The following CRELD1 variants were observed in gnomAD, a reference collection of about 807,000 sequenced individuals.
CRELD1 encodes protein disulfide isomerase CRELD1.
A neutral mutation model predicts 58.2 loss-of-function variants in CRELD1; 42 were observed. The ratio of observed to expected loss-of-function variants is 0.72; its 90% CI spans 0.56 to 0.93. The LOEUF (loss-of-function observed/expected upper bound fraction) is 0.93, where lower values mean the gene tolerates loss of function less well. Ranked by LOEUF, CRELD1 falls within the 40% of genes least tolerant of loss-of-function variation. CRELD1 has a pLI of 0.00. For synonymous variants in CRELD1, 222 were observed against 202.0 expected (o/e 1.10, Z -0.84); for missense variants, 500 against 540.6 (o/e 0.92, Z 0.74).
At chr3:9,939,531 A>G (rs935554145) in intron 5 of CRELD1, among the ~76,000 whole-genome samples, 10 of 151,944 alleles carry the variant, frequency 6.6e-5, no homozygotes, top group Non-Finnish European at 1.2e-4. Context: ...AGTGGTGATG[A>G]CTCTCAACCA....
chr3:9,941,177 G>T lies in CRELD1; in HGVS notation c.704G>T (p.Gly235Val). 2.5e-6 allele frequency: 4 copies of T among 1,614,138 alleles called. No homozygotes were observed. The highest frequency in any genetic ancestry group is 3.4e-6 in the Non-Finnish European group (4 of 1,180,012). ...EESNCLQCKK[G>V]WALHHLKCVD... is the part of the protein sequence containing the mutation. Reference sequence around the variant, plus strand: ...TCAAACTGTTTGCAATGCAAGAAGGGCTGGGCCCTGCATCACCTCAAGTGT... The same window carrying T: ...TCAAACTGTTTGCAATGCAAGAAGGTCTGGGCCCTGCATCACCTCAAGTGT... Residue 235 changes from glycine (G) to valine (V), a missense_variant, in exon 7 of 11, where the codon GGC (glycine) becomes GTC (valine). Transcript: ENST00000452070.
chr3:9,935,119 A>T (rs1391911106), intron 3 of CRELD1: 3 of 569,766 alleles, frequency 5.3e-6, no homozygotes, highest in African/African-American at 1.9e-5. Flanking sequence ...GCAGTGAATG[A>T]GTAAGTGAAT....
In CRELD1 at chr3:9,943,121, C is replaced by A; in HGVS notation, c.862C>A (p.Arg288Ser). 1 of 1,613,728 alleles carries A rather than the reference C, an allele frequency of 6.2e-7. No individual in the cohort carries two copies. Among genetic ancestry groups the A allele is most frequent in the South Asian group, 1.1e-5 (1 of 91,042 alleles). The change falls in exon 9 of 11, where the codon CGC (arginine) becomes AGC (serine). Residue 288 changes from arginine to serine, a missense_variant. Physicochemically the swap from Arg to Ser is moderately radical, Grantham distance 110. Coordinates refer to ENST00000452070, the MANE Select transcript of CRELD1 (RefSeq NM_001077415.3). ...CLGCMGAGPG[R>S]CKKCSPGYQQ... The stretch of plus-strand genomic sequence containing the variant: ...AGGCTGCATGGGGGCAGGGCCAGGT[C>A]GCTGTAAGAAGTGTAGCCCTGGCTA...
In CRELD1 at chr3:9,943,399, C is replaced by T. The variant is rs28942092; in HGVS notation, c.932C>T (p.Thr311Ile). The change falls in exon 10 of 11, where the codon ACA (threonine) becomes ATA (isoleucine). Residue 311 changes from threonine to isoleucine, a missense_variant. Coordinates refer to ENST00000452070, the MANE Select transcript of CRELD1 (RefSeq NM_001077415.3). ...CCTCAAGATGTGGATGAGTGTGAGACAGAGGTGTGTCCGGGAGAGAACAAG... is the reference window on the plus strand; with the variant it reads ...CCTCAAGATGTGGATGAGTGTGAGATAGAGGTGTGTCCGGGAGAGAACAAG... Reference protein sequence around the residue: ...SKCLDVDECETEVCPGENKQC... With the variant: ...SKCLDVDECEIEVCPGENKQC... 7.7e-4 allele frequency: 1,245 copies of T among 1,613,940 alleles called. No homozygotes were observed. Among genetic ancestry groups the T allele is most frequent in the Non-Finnish European group, 9.4e-4 (1,108 of 1,179,992 alleles).
chr3:9,943,443 G>GGCGGTTAT lies in CRELD1; in HGVS notation c.977_984dup (p.Arg329AlafsTer19), dbSNP rs752297888. 3.4e-5 allele frequency: 55 copies of GGCGGTTAT among 1,613,950 alleles called. No homozygotes were observed. Among genetic ancestry groups the GGCGGTTAT allele is most frequent in the Non-Finnish European group, 4.3e-5 (51 of 1,180,014 alleles). ...GAACAAGCAGTGTGAAAACACCGAG[G>GGCGGTTAT]GCGGTTATCGCTGCATCTGTGCCGA... On this transcript the variant is annotated frameshift_variant, in exon 10 of 11. Coordinates refer to ENST00000452070, the MANE Select transcript of CRELD1 (RefSeq NM_001077415.3). LOFTEE classifies it high-confidence loss of function.
In CRELD1 at chr3:9,937,549, C is replaced by A. The variant is rs117956843; in HGVS notation, c.258-13C>A. 2.2e-3 allele frequency: 3,474 copies of A among 1,593,490 alleles called. 66 individuals carry two copies. The East Asian group carries it at 0.05, about 23-fold the overall frequency. ...GGGGCATGTTTCCCACCAGCCCTGC[C>A]CTGTCCGATCAGTGAGACCCGCCTG... On this transcript the variant is annotated splice_polypyrimidine_tract_variant and intron_variant, in intron 3 of 10. Transcript: ENST00000452070.
Position 9,934,425 on chromosome 3 carries a change from C to T in CRELD1, c.-14C>T. ...TCCACGCCCTCTATCTGCAGGTCCC[C>T]AGCCTGGGTAAAGATGGCCCCATGG... On this transcript the variant is annotated 5_prime_UTR_variant, in exon 2 of 11. Coordinates refer to ENST00000452070, the MANE Select transcript of CRELD1 (RefSeq NM_001077415.3). 1 of 1,613,310 alleles carries T rather than the reference C, an allele frequency of 6.2e-7. No individual in the cohort carries two copies. Among genetic ancestry groups the T allele is most frequent in the Non-Finnish European group, 8.5e-7 (1 of 1,179,390 alleles).
At chr3:9,935,772 C>A (rs776839927) in intron 3 of CRELD1, 3 of 151,652 alleles carry the variant, frequency 2.0e-5, no homozygotes, top group African/African-American at 7.3e-5. Flanking sequence ...GATGCGAAAC[C>A]GAGAAGGTTT....
At position 9,944,989 on chromosome 3, in the gene CRELD1, T is replaced by C. The variant is rs761213213; in HGVS notation, c.*410T>C. ...CATCCCCACACCCCATTGCCACTTA[T>C]TTATTCATCTCAGGAAATAAAGAAA... On this transcript the variant is annotated 3_prime_UTR_variant, in exon 11 of 11. Transcript: ENST00000452070. The C allele has an allele frequency of 1.1e-5, 3 of 262,510 alleles. No individual in the cohort carries two copies. Among genetic ancestry groups the C allele is most frequent in the Admixed American group, 9.7e-5 (2 of 20,700 alleles). The allele number at this position is 262,510 out of a possible 1,614,324, so 16.3% of individuals were successfully genotyped here. A position where few individuals can be genotyped will look rare whatever the true frequency, so the allele number is the denominator to read the frequency against.
chr3:9,937,325 C>T (rs1204949533), intron 3 of CRELD1, among the ~76,000 whole-genome samples: 2 of 152,104 alleles, frequency 1.3e-5, no homozygotes, highest in Non-Finnish European at 2.9e-5. Context: ...TATTGTCATC[C>T]CCATTTTACA....
At position 9,940,873 on chromosome 3, in the gene CRELD1, C is replaced by T; in HGVS notation, c.484C>T (p.Pro162Ser). Residue 162 changes from proline (P) to serine (S), a missense_variant, in exon 6 of 11, where the codon CCC becomes TCC. Coordinates refer to ENST00000452070, the MANE Select transcript of CRELD1 (RefSeq NM_001077415.3). The part of the protein sequence containing the change: ...CLPCPGGTER[P>S]CGGYGQCEGE... ...AGCCTGTCCTGGGGGAACAGAGAGG[C>T]CCTGCGGTGGCTACGGGCAGTGTGA... 1.2e-6 allele frequency: 2 copies of T among 1,613,156 alleles called. No homozygotes were observed. The highest frequency in any genetic ancestry group is 1.7e-6 in the Non-Finnish European group (2 of 1,179,678).
rs1306766675 is a variant in CRELD1, at chr3:9,942,883, C to A, written c.804C>A (p.Ser268=). 1 of 1,614,058 alleles carries A rather than the reference C, an allele frequency of 6.2e-7. No homozygotes were observed. The highest frequency in any genetic ancestry group is 8.5e-7 in the Non-Finnish European group (1 of 1,179,896). The change falls in exon 8 of 11, where the codon TCC becomes TCA. Residue 268 remains serine, a synonymous_variant. Coordinates refer to ENST00000452070, the MANE Select transcript of CRELD1 (RefSeq NM_001077415.3). ...AATTCTGCGTGAACACTGAGGGCTCCTATGAGTGCCGAGGTCAGTGTCTAC... is the reference window on the plus strand; with the variant it reads ...AATTCTGCGTGAACACTGAGGGCTCATATGAGTGCCGAGGTCAGTGTCTAC... The part of the protein sequence containing the change: ...ADQFCVNTEG[S]YECRDCAKAC...
At chr3:9,940,513 C>T (rs972303622) in intron 5 of CRELD1, among the ~76,000 whole-genome samples, 12 of 151,952 alleles carry the variant, frequency 7.9e-5, no homozygotes, top group Admixed American at 5.2e-4. Context: ...CAAAAAAATA[C>T]GAAAACCAGT....
intron 4 of CRELD1, 79 bp downstream of exon 4, chr3:9,937,751 G>T (rs900360096): frequency 3.9e-6 from 4 of 1,028,508 alleles, no homozygotes; most frequent in Non-Finnish European, 6.0e-6. Flanking sequence ...CGAGAAGCAG[G>T]GGGGTGCATG....
At chr3:9,941,796 A>AG (rs1430006709) in intron 7 of CRELD1, among the ~76,000 whole-genome samples, 1 of 150,274 alleles carries the variant, frequency 6.7e-6, no homozygotes, top group African/African-American at 2.4e-5. Context: ...TCTCAAAAAA[A>AG]AAAAAAAAAA....
intron 5 of CRELD1, among the ~76,000 whole-genome samples, chr3:9,939,459 C>G (rs972107316): frequency 1.6e-4 from 25 of 152,102 alleles, no homozygotes; most frequent in Admixed American, 4.6e-4. Flanking sequence ...CTCTGGTTTT[C>G]CTAGGCAGAG....
chr3:9,939,663 C>T (rs1258177562), intron 5 of CRELD1, among the ~76,000 whole-genome samples: 1 of 152,220 alleles, frequency 6.6e-6, no homozygotes, highest in Admixed American at 6.5e-5. Context: ...GGTCATAGAT[C>T]AACAGGATCC....
intron 3 of CRELD1, among the ~76,000 whole-genome samples, chr3:9,936,550 CGTATAT>C (rs762721566): frequency 1.8e-5 from 2 of 113,914 alleles, no homozygotes; most frequent in Non-Finnish European, 3.3e-5. Flanking sequence ...TATATATATG[CGTATAT>C]ATATATATAT....
rs1357183308 is a variant in CRELD1, at chr3:9,940,882, G to A, written c.493G>A (p.Gly165Ser). Residue 165 changes from glycine (G) to serine (S), a missense_variant, in exon 6 of 11, where the codon GGC becomes AGC. Physicochemically the swap from Gly to Ser is moderately conservative, Grantham distance 56 (BLOSUM62 0). Coordinates refer to ENST00000452070, the MANE Select transcript of CRELD1 (RefSeq NM_001077415.3). Reference protein sequence around the residue: ...CPGGTERPCGGYGQCEGEGTR... With the variant: ...CPGGTERPCGSYGQCEGEGTR... ...TGGGGGAACAGAGAGGCCCTGCGGTGGCTACGGGCAGTGTGAAGGAGAAGG... is the reference window on the plus strand; with the variant it reads ...TGGGGGAACAGAGAGGCCCTGCGGTAGCTACGGGCAGTGTGAAGGAGAAGG... The A allele has an allele frequency of 4.3e-6, 7 of 1,614,126 alleles. No individual in the cohort carries two copies. Among genetic ancestry groups the A allele is most frequent in the Non-Finnish European group, 5.1e-6 (6 of 1,180,012 alleles).
Sources: gnomAD v4.1 joint callset for allele counts (sites outside exome capture counted in the v4.1 genomes callset) on GRCh38, gnomAD v4.1.1 for gene constraint, MANE v1.5 for transcripts, NCBI Gene and HGNC (gene_info 2026-07-23, HGNC 2026-07-21) for gene names.